Variants in SLC22A25 observed in about 807,000 individuals in gnomAD.
SLC22A25 encodes the protein solute carrier family 22 member 25.
SLC22A25 carries 44 observed loss-of-function variants against 45.9 expected under a neutral mutation model. The observed-to-expected ratio is 0.96, with a 90% CI of 0.75 to 1.23. SLC22A25 has a LOEUF of 1.23. SLC22A25 is among the 50% of genes most tolerant of loss of function. The pLI is 0.00. For synonymous variants in SLC22A25, 283 were observed against 238.6 expected, an observed-to-expected ratio of 1.19 and a Z score of -1.72; for missense variants, 800 against 666.4, an observed-to-expected ratio of 1.20 and a Z score of -2.21.
At chr11:63,186,796 T>C (rs1442531992) in intron 7 of SLC22A25, among the ~76,000 whole-genome samples, 1 of 152,202 alleles carries the variant, frequency 6.6e-6, no homozygotes, top group Non-Finnish European at 1.5e-5. Context: ...ATTTATTAAA[T>C]AGGGAATCCT....
At chr11:63,194,477 G>C (rs1026273002) in intron 7 of SLC22A25, among the ~76,000 whole-genome samples, 6 of 152,042 alleles carry the variant, frequency 3.9e-5, no homozygotes, top group Non-Finnish European at 2.9e-5. Flanking sequence ...CTTCATAAGT[G>C]AAGGAGACAT....
At chr11:63,215,299 G>A (rs1402422288) in intron 7 of SLC22A25, among the ~76,000 whole-genome samples, 1 of 152,130 alleles carries the variant, frequency 6.6e-6, no homozygotes. Flanking sequence ...GGATTAAGCT[G>A]GAAACCATCA....
intron 3 of SLC22A25, among the ~76,000 whole-genome samples, chr11:63,236,244 G>A (rs1313861552): frequency 6.6e-6 from 1 of 152,194 alleles, no homozygotes; most frequent in Non-Finnish European, 1.5e-5. Context: ...CCCAGAGGTG[G>A]AGCCTACAGA....
At chr11:63,184,053 A>T (rs540352225) in intron 7 of SLC22A25, among the ~76,000 whole-genome samples, 26 of 152,222 alleles carry the variant, frequency 1.7e-4, no homozygotes, top group African/African-American at 6.0e-4. Context: ...CATCCCTCTT[A>T]TTCAGCAAAT....
intron 7 of SLC22A25, among the ~76,000 whole-genome samples, chr11:63,212,388 T>C (rs1479600838): frequency 6.6e-6 from 1 of 152,172 alleles, no homozygotes; most frequent in Non-Finnish European, 1.5e-5. Flanking sequence ...TGTGGCACTA[T>C]TCACAATAGC....
chr11:63,223,031 T>C (rs1346808513), intron 5 of SLC22A25, among the ~76,000 whole-genome samples: 1 of 152,092 alleles, frequency 6.6e-6, no homozygotes, highest in Non-Finnish European at 1.5e-5. Flanking sequence ...AATTTGCTAG[T>C]ACTTTGTGGA....
intron 3 of SLC22A25, among the ~76,000 whole-genome samples, chr11:63,232,081 T>C (rs1213362880): frequency 6.6e-6 from 1 of 152,182 alleles, no homozygotes; most frequent in Non-Finnish European, 1.5e-5. Context: ...CTTCCAGCTT[T>C]GTTCTTTTGG....
At chr11:63,224,676 T>C (rs775154412) in intron 5 of SLC22A25, among the ~76,000 whole-genome samples, 4 of 152,238 alleles carry the variant, frequency 2.6e-5, no homozygotes, top group African/African-American at 4.8e-5. Flanking sequence ...TGATAGTTAA[T>C]AGAGATTGCA....
chr11:63,209,721 C>T lies in SLC22A25; in HGVS notation c.830+7593G>A, dbSNP rs1175549039. On this transcript the variant is annotated intron_variant, in intron 7 of 11. Coordinates refer to ENST00000306494, the MANE Select transcript of SLC22A25 (RefSeq NM_199352.6). Reference sequence around the variant, plus strand: ...TCTCTTAAATTGGAAACAGCACACCCCTTCCTATACAGAAAAGCCTCAGGC... The same window carrying T: ...TCTCTTAAATTGGAAACAGCACACCTCTTCCTATACAGAAAAGCCTCAGGC... Among the ~76,000 whole-genome samples, 4 of 152,158 alleles carry T rather than the reference C, an allele frequency of 2.6e-5. No individual in the cohort carries two copies. In the East Asian group the frequency reaches 7.7e-4, roughly 29 times the overall value.
At chr11:63,184,167 C>CT (rs570555463) in intron 7 of SLC22A25, among the ~76,000 whole-genome samples, 120 of 152,186 alleles carry the variant, frequency 7.9e-4, no homozygotes, top group African/African-American at 2.7e-3. Flanking sequence ...ATAATGTGTT[C>CT]TTTTTCCTAA....
chr11:63,221,493 C>A (rs2089853057), intron 5 of SLC22A25, among the ~76,000 whole-genome samples: 1 of 151,896 alleles, frequency 6.6e-6, no homozygotes, highest in East Asian at 1.9e-4. Context: ...TTTTTTCCTA[C>A]AGAGTTGTGC....
chr11:63,163,661 T>C lies in SLC22A25; in HGVS notation c.*163A>G, dbSNP rs2087576536. 1 of 1,032,614 alleles carries C rather than the reference T, an allele frequency of 9.7e-7. No individual in the cohort carries two copies. Among genetic ancestry groups the C allele is most frequent in the African/African-American group, 1.6e-5 (1 of 62,654 alleles). The allele number at this position is 1,032,614 out of a possible 1,614,324, so 64.0% of individuals were successfully genotyped here. On this transcript the variant is annotated 3_prime_UTR_variant, in exon 12 of 12. Coordinates refer to ENST00000306494, the MANE Select transcript of SLC22A25 (RefSeq NM_199352.6). ...ACCTCCTGGACAGGCTGGGCAGAGATGGTCTGTGTGATCTAGTGAGGCTCA... is the reference window on the plus strand; with the variant it reads ...ACCTCCTGGACAGGCTGGGCAGAGACGGTCTGTGTGATCTAGTGAGGCTCA...
chr11:63,227,397 C>T (rs1362201794), intron 5 of SLC22A25, among the ~76,000 whole-genome samples: 4 of 152,118 alleles, frequency 2.6e-5, no homozygotes, highest in Non-Finnish European at 5.9e-5. Flanking sequence ...CTCTTTAAGG[C>T]AGCAGATTCC....
At chr11:63,237,743 A>G (rs2090188295) in intron 3 of SLC22A25, among the ~76,000 whole-genome samples, 138 bp downstream of exon 3, 1 of 152,168 alleles carries the variant, frequency 6.6e-6, no homozygotes, top group Non-Finnish European at 1.5e-5. Context: ...TGCTGACAGG[A>G]TAGCCCTCAC....
intron 5 of SLC22A25, among the ~76,000 whole-genome samples, chr11:63,224,900 C>G (rs2089926673): frequency 6.6e-6 from 1 of 152,108 alleles, no homozygotes; most frequent in Non-Finnish European, 1.5e-5. Context: ...GAGATGGAGA[C>G]CATCCTGGCT....
chr11:63,187,955 T>C (rs2134747366), intron 7 of SLC22A25, among the ~76,000 whole-genome samples: 1 of 152,350 alleles, frequency 6.6e-6, no homozygotes, highest in African/African-American at 2.4e-5. Context: ...GCCAGTATTT[T>C]ATTGAGGATT....
At chr11:63,175,594 T>C (rs1255415613) in intron 9 of SLC22A25, among the ~76,000 whole-genome samples, 1 of 152,092 alleles carries the variant, frequency 6.6e-6, no homozygotes, top group African/African-American at 2.4e-5. Flanking sequence ...GTGCAGAAGC[T>C]TTCTAGTTTG....
At chr11:63,237,335 G>A (rs193285367) in intron 3 of SLC22A25, among the ~76,000 whole-genome samples, 6 of 152,118 alleles carry the variant, frequency 3.9e-5, no homozygotes, top group Admixed American at 1.3e-4. Context: ...AAAAAGAGAC[G>A]AGACCTTTAA....
At chr11:63,231,244 TG>T (rs376289443) in intron 3 of SLC22A25, among the ~76,000 whole-genome samples, 1 of 152,234 alleles carries the variant, frequency 6.6e-6, no homozygotes, top group Non-Finnish European at 1.5e-5. Flanking sequence ...CCACAATGGT[TG>T]AACTAGTTTA....
Sources: gnomAD v4.1 joint callset for allele counts (sites outside exome capture counted in the v4.1 genomes callset) on GRCh38, gnomAD v4.1.1 for gene constraint, MANE v1.5 for transcripts, NCBI Gene and HGNC (gene_info 2026-07-23, HGNC 2026-07-21) for gene names.